Variants in SPNS3 observed in about 807,000 individuals in gnomAD.
SPNS3 encodes the protein protein spinster homolog 3.
Under a neutral mutation model 54.4 loss-of-function variants are expected in SPNS3, and 51 were observed. The observed-to-expected ratio is 0.94, with a 90% CI of 0.75 to 1.18. The LOEUF is 1.18. Ranked by LOEUF, SPNS3 falls within the 50% of genes most tolerant of loss-of-function variation. The probability of loss-of-function intolerance (pLI) is 0.00; values close to 1 mark genes in which losing one functional copy is unlikely to be tolerated. For missense variants in SPNS3, 669 were observed against 677.4 expected (o/e 0.99, Z 0.14); for synonymous variants, 309 against 294.7 (o/e 1.05, Z -0.50).
At chr17:4,451,763 A>G (rs1168400476) in intron 7 of SPNS3, among the ~76,000 whole-genome samples, 1 of 149,822 alleles carries the variant, frequency 6.7e-6, no homozygotes, top group African/African-American at 2.5e-5. Flanking sequence ...CACCTCCCGG[A>G]TTCAAGTGAT....
intron 9 of SPNS3, among the ~76,000 whole-genome samples, chr17:4,485,643 G>T (rs528239756): frequency 6.6e-6 from 1 of 152,090 alleles, no homozygotes; most frequent in Admixed American, 6.5e-5. Flanking sequence ...TGATCCACCC[G>T]CCTTGGCCTC....
intron 8 of SPNS3, among the ~76,000 whole-genome samples, chr17:4,464,224 G>A (rs563534374): frequency 2.4e-4 from 37 of 152,342 alleles, no homozygotes; most frequent in African/African-American, 7.7e-4. Context: ...CAGTCCTCTT[G>A]GCAAGGGAAG....
chr17:4,442,330 T>C (rs370481902), intron 2 of SPNS3, among the ~76,000 whole-genome samples: 15,955 of 151,590 alleles, frequency 0.11, 987 homozygotes, highest in African/African-American at 0.18. Flanking sequence ...GTCGGGAGTT[T>C]GAGACCAGCC....
chr17:4,468,721 TTTTCTTTC>T (rs779220181), intron 8 of SPNS3, among the ~76,000 whole-genome samples: 166 of 121,450 alleles, frequency 1.4e-3, no homozygotes, highest in Middle Eastern at 8.3e-3. Flanking sequence ...TCTCTCTTTC[TTTTCTTTC>T]TTTCTTTCTT....
chr17:4,450,270 TCTCTCTTCTC>T (rs1466127021), intron 7 of SPNS3, among the ~76,000 whole-genome samples: 5 of 151,180 alleles, frequency 3.3e-5, no homozygotes, highest in Non-Finnish European at 5.9e-5. Context: ...CCTCCTCTTT[TCTCTCTTCTC>T]CTCTCTTCTC....
intron 8 of SPNS3, among the ~76,000 whole-genome samples, chr17:4,458,082 G>C (rs1416222723): frequency 6.6e-6 from 1 of 151,530 alleles, no homozygotes; most frequent in African/African-American, 2.4e-5. Flanking sequence ...TCAGGCTCCA[G>C]TTCTTCCTTC....
At chr17:4,485,049 G>A (rs1202726497) in intron 9 of SPNS3, 1 of 152,062 alleles carries the variant, frequency 6.6e-6, no homozygotes, top group Non-Finnish European at 1.5e-5. Context: ...ACTCTGAGAG[G>A]GCTTCACAGA....
intron 1 of SPNS3, among the ~76,000 whole-genome samples, chr17:4,437,741 G>A (rs867941860): frequency 6.6e-6 from 1 of 151,756 alleles, no homozygotes; most frequent in African/African-American, 2.4e-5. Context: ...TTGTATGCCA[G>A]GTTGCAGTGG....
chr17:4,445,178 C>T lies in SPNS3; in HGVS notation c.402+10C>T. 1.2e-6 allele frequency: 2 copies of T among 1,610,222 alleles called. No individual in the cohort carries two copies. The highest frequency in any genetic ancestry group is 1.7e-6 in the Non-Finnish European group (2 of 1,177,530). ...CTTCATCTCCCCCCGGGTACGTGTC[C>T]ATGCCCCTGTCCAGGCCCCTGAGGC... On this transcript the variant is annotated intron_variant, in intron 3 of 11. Transcript: ENST00000355530.
chr17:4,456,753 C>T (rs984765068), intron 8 of SPNS3, among the ~76,000 whole-genome samples: 6 of 150,948 alleles, frequency 4.0e-5, no homozygotes, highest in Middle Eastern at 6.8e-3. Context: ...CTCACTCTGT[C>T]GCCCAGGCTG....
At chr17:4,469,113 C>T (rs1971785425) in intron 8 of SPNS3, among the ~76,000 whole-genome samples, 1 of 149,846 alleles carries the variant, frequency 6.7e-6, no homozygotes, top group South Asian at 2.1e-4. Context: ...AAGACAGGTT[C>T]TTGCTCTGTC....
intron 8 of SPNS3, among the ~76,000 whole-genome samples, chr17:4,473,673 C>A (rs186387059): frequency 6.6e-6 from 1 of 152,176 alleles, no homozygotes; most frequent in African/African-American, 2.4e-5. Flanking sequence ...CAGGTGGGAG[C>A]CACTGTGCCC....
At chr17:4,449,534 CA>C (rs1290969156) in intron 7 of SPNS3, 147 bp downstream of exon 7, 1 of 1,013,994 alleles carries the variant, frequency 9.9e-7, no homozygotes, top group African/African-American at 1.7e-5. Flanking sequence ...ACCCAGATGG[CA>C]GCAGGAGGCC....
chr17:4,459,740 C>G (rs1461950641), intron 8 of SPNS3, among the ~76,000 whole-genome samples: 1 of 151,282 alleles, frequency 6.6e-6, no homozygotes, highest in African/African-American at 2.4e-5. Flanking sequence ...AAACCAATGC[C>G]GTAGATATAG....
At chr17:4,466,759 C>T (rs1044572772) in intron 8 of SPNS3, among the ~76,000 whole-genome samples, 36 of 152,130 alleles carry the variant, frequency 2.4e-4, no homozygotes, top group Non-Finnish European at 4.9e-4. Context: ...GCAGGAGAAT[C>T]GCTGGAACAT....
intron 1 of SPNS3, among the ~76,000 whole-genome samples, chr17:4,439,389 C>G (rs8075036): frequency 0.66 from 100,936 of 152,116 alleles, 34,295 homozygotes; most frequent in Non-Finnish European, 0.71. Context: ...GCCTCCCAAA[C>G]TGCTGAGATT....
At chr17:4,451,197 C>G (rs4790194) in intron 7 of SPNS3, among the ~76,000 whole-genome samples, 84,458 of 151,602 alleles carry the variant, frequency 0.56, 24,286 homozygotes, top group Admixed American at 0.64. Flanking sequence ...CCAGACCTCG[C>G]ACAGCTTGGA....
At chr17:4,473,659 A>G (rs1971915991) in intron 8 of SPNS3, among the ~76,000 whole-genome samples, 1 of 152,078 alleles carries the variant, frequency 6.6e-6, no homozygotes, top group African/African-American at 2.4e-5. Context: ...AAGTGCTGGG[A>G]TTACAGGTGG....
In SPNS3 at chr17:4,456,024, T is replaced by C. The variant is rs1363600590; in HGVS notation, c.1113+2819T>C. Among the ~76,000 whole-genome samples, 57 of 152,104 alleles carry C rather than the reference T, an allele frequency of 3.7e-4. 1 individual carries two copies. The highest frequency in any genetic ancestry group is 2.9e-5 in the Non-Finnish European group (2 of 68,020). ...GAGATGGGGGCTCTCACTATGTTGCTCAGGCTGGTCTTGAACTCCTGGGCT... is the reference window on the plus strand; with the variant it reads ...GAGATGGGGGCTCTCACTATGTTGCCCAGGCTGGTCTTGAACTCCTGGGCT... On this transcript the variant is annotated intron_variant, in intron 8 of 11. Coordinates refer to ENST00000355530, the MANE Select transcript of SPNS3 (RefSeq NM_182538.5).
Sources: gnomAD v4.1 joint callset for allele counts (sites outside exome capture counted in the v4.1 genomes callset) on GRCh38, gnomAD v4.1.1 for gene constraint, MANE v1.5 for transcripts, NCBI Gene and HGNC (gene_info 2026-07-23, HGNC 2026-07-21) for gene names.